Variants in SPIDR observed in about 807,000 individuals in gnomAD.
The protein encoded by SPIDR is DNA repair-scaffolding protein.
SPIDR carries 93 observed loss-of-function variants against 104.6 expected under a neutral mutation model. The observed-to-expected ratio is 0.89, with a 90% CI of 0.75 to 1.06. SPIDR has a LOEUF of 1.06. Ranked by LOEUF, SPIDR falls within the 50% of genes least tolerant of loss-of-function variation. The pLI is 0.00. For synonymous variants in SPIDR, 431 were observed against 416.9 expected, an observed-to-expected ratio of 1.03 and a Z score of -0.41; for missense variants, 1,154 against 1,111.2, an observed-to-expected ratio of 1.04 and a Z score of -0.55.
chr8:47,731,468 A>G (rs2085221928), intron 19 of SPIDR, among the ~76,000 whole-genome samples: 1 of 152,190 alleles, frequency 6.6e-6, no homozygotes, highest in Non-Finnish European at 1.5e-5. Context: ...AGCCTCCCGC[A>G]TTCTCACATT....
chr8:47,452,824 C>A (rs1222907021), intron 8 of SPIDR, among the ~76,000 whole-genome samples: 1 of 152,128 alleles, frequency 6.6e-6, no homozygotes, highest in Non-Finnish European at 1.5e-5. Context: ...CCCTCTCTCA[C>A]CACTCCTATT....
At chr8:47,484,096 G>A (rs1274315156) in intron 8 of SPIDR, among the ~76,000 whole-genome samples, 2 of 152,152 alleles carry the variant, frequency 1.3e-5, no homozygotes, top group Non-Finnish European at 2.9e-5. Context: ...AGCTGGGGTT[G>A]TAGGAGTATT....
intron 8 of SPIDR, among the ~76,000 whole-genome samples, chr8:47,451,663 GAAGAA>G (rs1242136773): frequency 6.6e-6 from 1 of 151,860 alleles, no homozygotes; most frequent in Non-Finnish European, 1.5e-5. Context: ...CATTGAACTT[GAAGAA>G]AAGAAAATTG....
At chr8:47,299,817 G>T (rs1183140798) in intron 5 of SPIDR, among the ~76,000 whole-genome samples, 1 of 152,162 alleles carries the variant, frequency 6.6e-6, no homozygotes, top group African/African-American at 2.4e-5. Context: ...GATCATGGTG[G>T]ATAAGGTTTT....
At chr8:47,673,474 G>A (rs147614993) in intron 10 of SPIDR, 1 of 475,918 alleles carries the variant, frequency 2.1e-6, no homozygotes, top group African/African-American at 2.0e-5. Context: ...TGGTTTAAGA[G>A]AATGGTCATC....
intron 8 of SPIDR, among the ~76,000 whole-genome samples, chr8:47,501,703 G>C (rs4486659): frequency 0.69 from 104,721 of 151,884 alleles, 36,444 homozygotes; most frequent in East Asian, 0.81. Flanking sequence ...GGTGAGAGAG[G>C]GCATCCCTGT....
At chr8:47,596,852 A>G (rs1054593837) in intron 9 of SPIDR, among the ~76,000 whole-genome samples, 5 of 151,510 alleles carry the variant, frequency 3.3e-5, no homozygotes, top group Non-Finnish European at 7.4e-5. Flanking sequence ...TTTTACTTTT[A>G]AAACTTTTTT....
chr8:47,537,570 G>T (rs1396700829), intron 8 of SPIDR, among the ~76,000 whole-genome samples: 1 of 152,208 alleles, frequency 6.6e-6, no homozygotes, highest in Non-Finnish European at 1.5e-5. Context: ...AGATGAATAG[G>T]TGGTGGACAG....
rs377417867 is a variant in SPIDR, at chr8:47,320,563, T to C, written c.525+26533T>C. Among the ~76,000 whole-genome samples, 15 of 152,110 alleles carry C rather than the reference T, an allele frequency of 9.9e-5. No homozygotes were observed. In the East Asian group the frequency reaches 1.4e-3, roughly 14 times the overall value. ...TTCCTTCTGAAACTATTCCAATCAATAGAAAAAGAGGGAATCCTCCCTAAC... is the reference window on the plus strand; with the variant it reads ...TTCCTTCTGAAACTATTCCAATCAACAGAAAAAGAGGGAATCCTCCCTAAC... On this transcript the variant is annotated intron_variant, in intron 5 of 19. Coordinates refer to ENST00000297423, the MANE Select transcript of SPIDR (RefSeq NM_001080394.4).
chr8:47,371,598 C>T (rs1335792721), intron 5 of SPIDR, among the ~76,000 whole-genome samples: 4 of 152,116 alleles, frequency 2.6e-5, no homozygotes, highest in African/African-American at 9.7e-5. Flanking sequence ...GACCTACTCA[C>T]CTCCCAAAGG....
chr8:47,314,329 A>T (rs1554587960), intron 5 of SPIDR, among the ~76,000 whole-genome samples: 1 of 152,240 alleles, frequency 6.6e-6, no homozygotes, highest in East Asian at 1.9e-4. Context: ...AGAAAATGAA[A>T]AAAGGTATAA....
intron 6 of SPIDR, among the ~76,000 whole-genome samples, chr8:47,402,545 C>T (rs1301317630): frequency 2.0e-5 from 3 of 152,174 alleles, no homozygotes; most frequent in Non-Finnish European, 4.4e-5. Context: ...CACAGAAACA[C>T]AAACTACCAT....
chr8:47,382,477 A>G (rs2059426925), intron 5 of SPIDR, among the ~76,000 whole-genome samples: 1 of 152,154 alleles, frequency 6.6e-6, no homozygotes, highest in Non-Finnish European at 1.5e-5. Flanking sequence ...CAGTGATGCA[A>G]TCTTAACTCA....
chr8:47,696,506 A>G (rs2079357571), intron 11 of SPIDR, among the ~76,000 whole-genome samples: 2 of 152,094 alleles, frequency 1.3e-5, no homozygotes, highest in African/African-American at 2.4e-5. Context: ...GTCTTTGTAA[A>G]TTTTTCTTTA....
intron 8 of SPIDR, among the ~76,000 whole-genome samples, chr8:47,558,146 C>G (rs922066832): frequency 5.9e-5 from 9 of 151,940 alleles, no homozygotes; most frequent in Non-Finnish European, 8.8e-5. Context: ...ACTGGAAACC[C>G]CAAAAGAGGG....
chr8:47,615,071 A>T (rs2064112912), intron 10 of SPIDR, among the ~76,000 whole-genome samples: 1 of 144,412 alleles, frequency 6.9e-6, no homozygotes, highest in African/African-American at 2.5e-5. Context: ...AGAAGTTTTA[A>T]TTTTTTTTTT....
chr8:47,312,696 C>T (rs1586775658), intron 5 of SPIDR, among the ~76,000 whole-genome samples: 1 of 152,118 alleles, frequency 6.6e-6, no homozygotes, highest in East Asian at 1.9e-4. Context: ...ATGGTAGTTT[C>T]TTGTGCTGTG....
intron 10 of SPIDR, among the ~76,000 whole-genome samples, chr8:47,615,708 C>T (rs973712430): frequency 5.9e-5 from 9 of 151,906 alleles, no homozygotes; most frequent in South Asian, 2.1e-4. Flanking sequence ...GGAGTTTCGC[C>T]GTATTGGCCA....
At chr8:47,654,121 T>C (rs1478282454) in intron 10 of SPIDR, 2 of 1,289,724 alleles carry the variant, frequency 1.6e-6, no homozygotes, top group Non-Finnish European at 2.0e-6. Flanking sequence ...GCAGGAGCCA[T>C]TGGGATACTC....
Sources: gnomAD v4.1 joint callset for allele counts (sites outside exome capture counted in the v4.1 genomes callset) on GRCh38, gnomAD v4.1.1 for gene constraint, MANE v1.5 for transcripts, NCBI Gene and HGNC (gene_info 2026-07-23, HGNC 2026-07-21) for gene names.